Variants in CADM2 observed in about 807,000 individuals in gnomAD.
The protein encoded by CADM2 is cell adhesion molecule 2.
Under a neutral mutation model 49.8 loss-of-function variants are expected in CADM2, and 12 were observed. The observed-to-expected ratio is 0.24, with a 90% CI of 0.15 to 0.39. The LOEUF (loss-of-function observed/expected upper bound fraction) is 0.39, where lower values mean the gene tolerates loss of function less well. Among genes scored for constraint, CADM2 ranks in the 10% least tolerant of loss-of-function variants. The pLI is 1.00. For missense variants in CADM2, 378 were observed against 492.3 expected (o/e 0.77, Z 2.20); for synonymous variants, 214 against 175.4 (o/e 1.22, Z -1.74).
At chr3:85,055,024 A>G (rs2036026659) in intron 1 of CADM2, among the ~76,000 whole-genome samples, 1 of 151,848 alleles carries the variant, frequency 6.6e-6, no homozygotes, top group African/African-American at 2.4e-5. Context: ...AAGTGTTTTC[A>G]TTTTGTCCCT....
chr3:85,413,196 CTTTCTGACCCAGTACAAAT>C (rs2035757832), intron 1 of CADM2, among the ~76,000 whole-genome samples: 1 of 143,466 alleles, frequency 7.0e-6, no homozygotes, highest in Non-Finnish European at 1.5e-5. Context: ...ACACTGGAAG[CTTTCTGACCCAGTACAAAT>C]TTTCTTCACA....
chr3:85,896,183 G>A (rs1036044623), intron 5 of CADM2, among the ~76,000 whole-genome samples: 6 of 152,092 alleles, frequency 3.9e-5, no homozygotes, highest in African/African-American at 7.2e-5. Flanking sequence ...CTGCTTGGGA[G>A]GCTGAGGTTG....
intron 8 of CADM2, chr3:86,013,761 G>C: frequency 6.3e-7 from 1 of 1,590,610 alleles, no homozygotes; most frequent in Non-Finnish European, 8.6e-7. Context: ...AATTTTGGCT[G>C]TGAAATTTCA....
At chr3:85,319,366 A>G (rs924079434) in intron 1 of CADM2, among the ~76,000 whole-genome samples, 5 of 152,194 alleles carry the variant, frequency 3.3e-5, no homozygotes, top group African/African-American at 1.2e-4. Context: ...TAGCTCATCC[A>G]CTGTGGAAAG....
At chr3:85,446,232 T>C (rs894639226) in intron 1 of CADM2, among the ~76,000 whole-genome samples, 1 of 152,194 alleles carries the variant, frequency 6.6e-6, no homozygotes, top group African/African-American at 2.4e-5. Context: ...AAAAATGAAC[T>C]GTATTACTCA....
At chr3:85,498,997 T>C (rs182595403) in intron 1 of CADM2, among the ~76,000 whole-genome samples, 4 of 152,290 alleles carry the variant, frequency 2.6e-5, no homozygotes, top group Non-Finnish European at 5.9e-5. Context: ...TGTTTTCATG[T>C]ATATTATATT....
chr3:85,332,016 G>A (rs1364696738), intron 1 of CADM2, among the ~76,000 whole-genome samples: 3 of 151,996 alleles, frequency 2.0e-5, no homozygotes, highest in Non-Finnish European at 4.4e-5. Flanking sequence ...ATTTCAATGA[G>A]TACCTACTAT....
intron 7 of CADM2, among the ~76,000 whole-genome samples, chr3:85,955,858 G>A (rs1244478830): frequency 6.6e-6 from 1 of 151,440 alleles, no homozygotes; most frequent in Non-Finnish European, 1.5e-5. Flanking sequence ...CTTCATCAAT[G>A]AACGCCTCAG....
rs1264570808 is a variant in CADM2 at position 85,263,605 on chromosome 3, T to C, written c.61+303937T>C. On this transcript the variant is annotated intron_variant, in intron 1 of 9. Coordinates refer to ENST00000383699, the MANE Select transcript of CADM2 (RefSeq NM_001167675.2). ...ATCTCCATGACTCCAGTGCCAGTGC[T>C]CTTCCACACTAACATTTGAATACTA... Among the ~76,000 whole-genome samples the C allele has an allele frequency of 2.0e-5, 3 of 152,134 alleles. No individual in the cohort carries two copies. In the East Asian group the frequency reaches 5.8e-4, roughly 29 times the overall value.
chr3:85,735,038 G>A (rs1185916273), intron 2 of CADM2, among the ~76,000 whole-genome samples: 1 of 150,686 alleles, frequency 6.6e-6, no homozygotes, highest in Non-Finnish European at 1.5e-5. Context: ...ATTTTTTACT[G>A]CATGGAGCTG....
intron 1 of CADM2, among the ~76,000 whole-genome samples, chr3:85,359,626 G>GCCAAT (rs2032159193): frequency 1.5e-5 from 1 of 64,758 alleles, no homozygotes; most frequent in Non-Finnish European, 3.0e-5. Flanking sequence ...TTTATTCCAG[G>GCCAAT]CCAATGTCAG....
intron 8 of CADM2, among the ~76,000 whole-genome samples, chr3:86,062,233 G>A (rs1248625735): frequency 2.0e-5 from 3 of 152,092 alleles, no homozygotes; most frequent in Non-Finnish European, 4.4e-5. Flanking sequence ...ATGAAAACTT[G>A]AGCAAGAGGT....
intron 1 of CADM2, among the ~76,000 whole-genome samples, chr3:85,383,461 A>C (rs1055928922): frequency 4.1e-5 from 6 of 146,138 alleles, no homozygotes; most frequent in African/African-American, 1.3e-4. Flanking sequence ...TTCATACACA[A>C]GATTGTGGAA....
At chr3:85,218,054 G>C (rs2041969283) in intron 1 of CADM2, among the ~76,000 whole-genome samples, 1 of 151,834 alleles carries the variant, frequency 6.6e-6, no homozygotes, top group South Asian at 2.1e-4. Context: ...AATTACTTAT[G>C]TTATGCAGTT....
chr3:85,311,001 C>T (rs2044329717), intron 1 of CADM2, among the ~76,000 whole-genome samples: 1 of 152,110 alleles, frequency 6.6e-6, no homozygotes, highest in Admixed American at 6.6e-5. Flanking sequence ...TTATTCTGCC[C>T]ATGAGAAAAC....
intron 1 of CADM2, among the ~76,000 whole-genome samples, chr3:85,416,357 A>G (rs985821905): frequency 1.1e-4 from 16 of 152,170 alleles, no homozygotes; most frequent in Non-Finnish European, 2.4e-4. Flanking sequence ...TACAATAACA[A>G]GATCTTTTAG....
intron 1 of CADM2, among the ~76,000 whole-genome samples, chr3:85,038,219 T>C (rs1248589976): frequency 6.6e-6 from 1 of 152,190 alleles, no homozygotes; most frequent in Admixed American, 6.5e-5. Flanking sequence ...CGTATGATCA[T>C]CATTTTGTGA....
chr3:85,564,476 A>C (rs1317198116), intron 1 of CADM2, among the ~76,000 whole-genome samples: 1 of 152,024 alleles, frequency 6.6e-6, no homozygotes, highest in Non-Finnish European at 1.5e-5. Context: ...TTAATACTTC[A>C]CAATTCTTTT....
intron 2 of CADM2, among the ~76,000 whole-genome samples, chr3:85,755,251 C>A (rs2069056855): frequency 6.6e-6 from 1 of 152,150 alleles, no homozygotes. Flanking sequence ...TCCTCCCCCT[C>A]CAGGTTGGAA....
Sources: gnomAD v4.1 joint callset for allele counts (sites outside exome capture counted in the v4.1 genomes callset) on GRCh38, gnomAD v4.1.1 for gene constraint, MANE v1.5 for transcripts, NCBI Gene and HGNC (gene_info 2026-07-23, HGNC 2026-07-21) for gene names.